The following RBFOX1 variants were observed in gnomAD, a reference collection of about 807,000 sequenced individuals.
The protein encoded by RBFOX1 is RNA binding fox-1 homolog 1.
RBFOX1 carries 8 observed loss-of-function variants against 57.7 expected under a neutral mutation model. The observed-to-expected ratio is 0.14, with a 90% CI of 0.08 to 0.25. The LOEUF (loss-of-function observed/expected upper bound fraction) is 0.25, where lower values mean the gene tolerates loss of function less well. Among genes scored for constraint, RBFOX1 ranks in the 10% least tolerant of loss-of-function variants. RBFOX1 has a pLI of 1.00. For synonymous variants in RBFOX1, 326 were observed against 222.4 expected (o/e 1.47, Z -4.15); for missense variants, 611 against 548.5 (o/e 1.11, Z -1.14).
chr16:5,913,961 A>G (rs2058656085), intron 4 of RBFOX1, among the ~76,000 whole-genome samples: 1 of 152,234 alleles, frequency 6.6e-6, no homozygotes, highest in Non-Finnish European at 1.5e-5. Flanking sequence ...GAGGACATCA[A>G]GGGTCAGTGG....
chr16:6,815,814 T>G (rs1016840141), intron 3 of RBFOX1, among the ~76,000 whole-genome samples: 4 of 152,216 alleles, frequency 2.6e-5, no homozygotes, highest in African/African-American at 9.7e-5. Flanking sequence ...TCTTAATAGT[T>G]ACTTTAAGAG....
intron 4 of RBFOX1, among the ~76,000 whole-genome samples, chr16:5,910,152 G>C (rs891834236): frequency 1.3e-5 from 2 of 152,130 alleles, no homozygotes; most frequent in Non-Finnish European, 2.9e-5. Context: ...ATCACATGGG[G>C]GTTTGTGAAG....
At chr16:6,951,311 T>C (rs1048235157) in intron 3 of RBFOX1, among the ~76,000 whole-genome samples, 4 of 152,206 alleles carry the variant, frequency 2.6e-5, no homozygotes, top group African/African-American at 9.6e-5. Flanking sequence ...GTAGGCTGGA[T>C]ACTGGAGTCA....
chr16:7,604,208 G>T (rs887917714), intron 9 of RBFOX1, among the ~76,000 whole-genome samples: 2 of 152,134 alleles, frequency 1.3e-5, no homozygotes, highest in Admixed American at 6.5e-5. Context: ...TTCATGAGTG[G>T]GGGGAGAAGA....
chr16:6,583,284 G>T lies in RBFOX1; in HGVS notation c.-63-71319G>T, dbSNP rs560830826. On this transcript the variant is annotated intron_variant, in intron 2 of 15. Coordinates refer to ENST00000550418, the MANE Select transcript of RBFOX1 (RefSeq NM_018723.4). ...AGCTTGGAACACATGTGCAACTTCA[G>T]GACCAGGAACTACCTTTCCCTGAGA... 5.3e-5 allele frequency among the ~76,000 whole-genome samples: 8 copies of T among 152,164 alleles called. No homozygotes were observed. In the East Asian group the frequency reaches 1.4e-3, roughly 26 times the overall value.
chr16:6,028,117 G>C (rs899394530), intron 1 of RBFOX1, among the ~76,000 whole-genome samples: 1 of 152,172 alleles, frequency 6.6e-6, no homozygotes, highest in Non-Finnish European at 1.5e-5. Context: ...GTCACTGCCT[G>C]TGTTCTCAAG....
intron 10 of RBFOX1, among the ~76,000 whole-genome samples, chr16:7,613,474 C>G (rs780126047): frequency 6.6e-5 from 10 of 152,240 alleles, no homozygotes; most frequent in East Asian, 1.9e-4. Flanking sequence ...CAGAAAGAAC[C>G]TGGCCACGGA....
At position 6,225,213 on chromosome 16, in the gene RBFOX1, T is replaced by C. The variant is rs1437821282; in HGVS notation, c.-126-91782T>C. On this transcript the variant is annotated intron_variant, in intron 1 of 15. Transcript: ENST00000550418. ...TCCCAATACGTGCTAACTGAACTGC[T>C]AACTGAAGTAGGAGAGTTATATATA... is the stretch of plus-strand genomic sequence containing the variant. 3.7e-5 allele frequency among the ~76,000 whole-genome samples: 4 copies of C among 108,444 alleles called. No homozygotes were observed. In the East Asian group the frequency reaches 1.1e-3, roughly 30 times the overall value. The allele number at this position is 108,444 out of a possible 152,430, so 71.1% of individuals were successfully genotyped here.
intron 2 of RBFOX1, among the ~76,000 whole-genome samples, chr16:5,503,519 C>G (rs1422511164): frequency 2.6e-5 from 4 of 152,240 alleles, no homozygotes; most frequent in Admixed American, 1.3e-4. Context: ...TCACGGCTCA[C>G]TGTAGCCTCT....
At chr16:6,802,883 G>C (rs1022584776) in intron 3 of RBFOX1, among the ~76,000 whole-genome samples, 2 of 152,176 alleles carry the variant, frequency 1.3e-5, no homozygotes, top group Non-Finnish European at 2.9e-5. Flanking sequence ...AGCTGACATA[G>C]TGGAATTGTG....
chr16:7,605,987 T>C (rs1473062770), intron 9 of RBFOX1, among the ~76,000 whole-genome samples: 1 of 152,102 alleles, frequency 6.6e-6, no homozygotes, highest in East Asian at 1.9e-4. Flanking sequence ...TTTGTATTTT[T>C]AGTAGAGTCA....
chr16:7,586,075 A>G lies in RBFOX1; in HGVS notation c.415-1172A>G, dbSNP rs373377590. 3.0e-4 allele frequency among the ~76,000 whole-genome samples: 46 copies of G among 152,332 alleles called. 1 individual carries two copies. The South Asian group carries it at 8.5e-3, about 28-fold the overall frequency. On this transcript the variant is annotated intron_variant, in intron 6 of 15. Coordinates refer to ENST00000550418, the MANE Select transcript of RBFOX1 (RefSeq NM_018723.4). ...ATGGAATGATAGGAAAGCTCAAAAC[A>G]AAACAAAAAAAGAGGATGGAAATAT...
At position 5,299,159 on chromosome 16, in the gene RBFOX1, C is replaced by G. The variant is rs74003857; in HGVS notation, c.219+59054C>G. Among the ~76,000 whole-genome samples, 686 of 151,740 alleles carry G rather than the reference C, an allele frequency of 4.5e-3. 7 individuals carry two copies. The highest frequency in any genetic ancestry group is 0.015 in the African/African-American group (626 of 41,348). ...TAAATTAAATTTGCCACTTCTTGGG[C>G]TTTATTTAAATGGAATCATATGCTA... On this transcript the variant is annotated intron_variant, in intron 1 of 2. Coordinates refer to the RBFOX1 transcript ENST00000585867.
chr16:7,607,573 A>G (rs533616603), intron 10 of RBFOX1, among the ~76,000 whole-genome samples: 15 of 152,328 alleles, frequency 9.8e-5, no homozygotes, highest in African/African-American at 2.4e-4. Context: ...CCTTAGGACA[A>G]TTCACATTGA....
chr16:7,426,346 A>T (rs986564355), intron 4 of RBFOX1, among the ~76,000 whole-genome samples: 2 of 152,188 alleles, frequency 1.3e-5, no homozygotes, highest in African/African-American at 4.8e-5. Context: ...GGGAGTTGCC[A>T]GTCACCACTT....
chr16:6,300,374 A>C (rs1269977120), intron 1 of RBFOX1, among the ~76,000 whole-genome samples: 1 of 152,226 alleles, frequency 6.6e-6, no homozygotes, highest in Non-Finnish European at 1.5e-5. Context: ...AATTAGCTTG[A>C]TTTAGCCATT....
chr16:7,342,463 A>G (rs773256103), intron 4 of RBFOX1, among the ~76,000 whole-genome samples: 4 of 152,196 alleles, frequency 2.6e-5, no homozygotes, highest in East Asian at 1.9e-4. Context: ...CGATTTGACA[A>G]TCAGCTCATT....
At chr16:6,870,120 C>T (rs2060612604) in intron 3 of RBFOX1, among the ~76,000 whole-genome samples, 1 of 152,040 alleles carries the variant, frequency 6.6e-6, no homozygotes. Flanking sequence ...TGATTTTTTG[C>T]ATAAGGCTCT....
chr16:5,988,847 A>T (rs552164736), intron 4 of RBFOX1, among the ~76,000 whole-genome samples: 1 of 152,310 alleles, frequency 6.6e-6, no homozygotes, highest in African/African-American at 2.4e-5. Flanking sequence ...CTCAGAGAGT[A>T]TGAAACACAG....
Sources: allele counts gnomAD v4.1 joint callset (sites outside exome capture counted in the v4.1 genomes callset), GRCh38; gene constraint gnomAD v4.1.1; transcripts MANE v1.5; gene names NCBI Gene and HGNC (gene_info 2026-07-23, HGNC 2026-07-21).